JARID2: variants seen among roughly 807,000 people sequenced by gnomAD.
JARID2 encodes jumonji and AT-rich interaction domain containing 2, also known as protein Jumonji.
Under a neutral mutation model 125.6 loss-of-function variants are expected in JARID2, and 21 were observed. That is an observed-to-expected ratio of 0.17 (90% CI 0.12 to 0.24). The LOEUF (loss-of-function observed/expected upper bound fraction) is 0.24, where lower values mean the gene tolerates loss of function less well. Ranked by LOEUF, JARID2 falls within the 10% of genes least tolerant of loss-of-function variation. The probability of loss-of-function intolerance (pLI) is 1.00; values close to 1 mark genes in which losing one functional copy is unlikely to be tolerated. For synonymous variants in JARID2, 736 were observed against 661.6 expected, an observed-to-expected ratio of 1.11 and a Z score of -1.73; for missense variants, 1,303 against 1,639.6, an observed-to-expected ratio of 0.79 and a Z score of 3.55.
intron 1 of JARID2, among the ~76,000 whole-genome samples, chr6:15,341,750 T>C (rs147652639): frequency 1.3e-5 from 2 of 152,314 alleles, no homozygotes; most frequent in East Asian, 3.9e-4. Context: ...TAGTGCCCGC[T>C]TAAGGGCAAG....
intron 1 of JARID2, among the ~76,000 whole-genome samples, chr6:15,260,356 C>T (rs1384172066): frequency 1.3e-5 from 2 of 152,144 alleles, no homozygotes; most frequent in Admixed American, 1.3e-4. Context: ...TTGTAATCCT[C>T]AAAACTACTG....
chr6:15,465,806 G>A (rs1316080033), intron 4 of JARID2, among the ~76,000 whole-genome samples: 1 of 149,380 alleles, frequency 6.7e-6, no homozygotes, highest in South Asian at 2.1e-4. Flanking sequence ...TTGTTTGTTT[G>A]TTTGTTTGTT....
At chr6:15,307,151 A>C (rs1400203348) in intron 1 of JARID2, among the ~76,000 whole-genome samples, 1 of 151,786 alleles carries the variant, frequency 6.6e-6, no homozygotes, top group African/African-American at 2.4e-5. Context: ...CTGAGGCGGG[A>C]GAATCGCCTG....
At chr6:15,470,900 G>C (rs528860642) in intron 5 of JARID2, among the ~76,000 whole-genome samples, 4 of 152,240 alleles carry the variant, frequency 2.6e-5, no homozygotes, top group African/African-American at 9.7e-5. Flanking sequence ...GACCTGGAAA[G>C]ACCTGGGCAC....
intron 4 of JARID2, among the ~76,000 whole-genome samples, chr6:15,452,980 A>C (rs914714302): frequency 2.0e-5 from 3 of 152,244 alleles, no homozygotes; most frequent in African/African-American, 7.2e-5. Flanking sequence ...CTTGAGGTTC[A>C]TAGTCACTTT....
chr6:15,413,649 C>T (rs1766001563), intron 3 of JARID2, among the ~76,000 whole-genome samples: 1 of 152,096 alleles, frequency 6.6e-6, no homozygotes, highest in African/African-American at 2.4e-5. Context: ...CTTTGTTACC[C>T]AGGCTGGAAT....
chr6:15,458,118 AGT>A (rs577342386), intron 4 of JARID2, among the ~76,000 whole-genome samples: 3 of 152,206 alleles, frequency 2.0e-5, no homozygotes, highest in Non-Finnish European at 4.4e-5. Context: ...TGCTGCATGC[AGT>A]GATTCGTACC....
In JARID2 at chr6:15,518,333, A is replaced by T. The variant is rs1771665193; in HGVS notation, c.3558+1065A>T. 1.3e-5 allele frequency among the ~76,000 whole-genome samples: 2 copies of T among 152,214 alleles called. 1 individual carries two copies. The highest frequency in any genetic ancestry group is 2.9e-5 in the Non-Finnish European group (2 of 68,038). ...CTGTAGTCGGATGTGTGACGTGACC[A>T]GATCCTGGGAAAAGAATGGCATTCA... On this transcript the variant is annotated intron_variant, in intron 17 of 17. Coordinates refer to ENST00000341776, the MANE Select transcript of JARID2 (RefSeq NM_004973.4).
At chr6:15,412,549 C>T (rs2237147) in intron 3 of JARID2, among the ~76,000 whole-genome samples, 86,330 of 151,962 alleles carry the variant, frequency 0.57, 24,751 homozygotes, top group South Asian at 0.63. Context: ...CCTCAAGTGA[C>T]CCACCCACCT....
intron 15 of JARID2, 29 bp downstream of exon 15, chr6:15,513,074 G>A: frequency 6.2e-7 from 1 of 1,613,448 alleles, no homozygotes; most frequent in Non-Finnish European, 8.5e-7. Flanking sequence ...CCACGCCAGA[G>A]AGCTGGACCC....
intron 1 of JARID2, among the ~76,000 whole-genome samples, chr6:15,350,449 A>C (rs948716279): frequency 6.6e-6 from 1 of 152,180 alleles, no homozygotes; most frequent in Non-Finnish European, 1.5e-5. Flanking sequence ...TTCATTAGTA[A>C]CACGGAGACT....
intron 2 of JARID2, among the ~76,000 whole-genome samples, chr6:15,375,505 G>GTTT (rs1764319194): frequency 6.6e-6 from 1 of 152,202 alleles, no homozygotes; most frequent in African/African-American, 2.4e-5. Context: ...AAAATAAGTT[G>GTTT]TGGAATCTAT....
intron 1 of JARID2, among the ~76,000 whole-genome samples, chr6:15,287,515 A>G (rs1761049345): frequency 6.6e-6 from 1 of 152,236 alleles, no homozygotes; most frequent in South Asian, 2.1e-4. Flanking sequence ...GTTGATACCA[A>G]ACTCACACAG....
At chr6:15,451,268 T>C (rs1427058009) in intron 3 of JARID2, among the ~76,000 whole-genome samples, 2 of 152,160 alleles carry the variant, frequency 1.3e-5, no homozygotes, top group Non-Finnish European at 2.9e-5. Flanking sequence ...AGTTAACAAA[T>C]GGTAAGTTAG....
chr6:15,518,562 A>G (rs1344065723), intron 17 of JARID2, among the ~76,000 whole-genome samples: 1 of 152,044 alleles, frequency 6.6e-6, no homozygotes, highest in Non-Finnish European at 1.5e-5. Context: ...GCCCACTGCA[A>G]GCTCCGCCTC....
At chr6:15,370,245 A>G (rs1353359852) in intron 1 of JARID2, among the ~76,000 whole-genome samples, 1 of 151,368 alleles carries the variant, frequency 6.6e-6, no homozygotes, top group Admixed American at 6.6e-5. Flanking sequence ...TAAGACAGCT[A>G]TTGAGAAAAT....
chr6:15,379,286 C>T (rs554694783), intron 2 of JARID2, among the ~76,000 whole-genome samples: 21 of 151,956 alleles, frequency 1.4e-4, no homozygotes, highest in African/African-American at 3.1e-4. Context: ...TGGGCTTAAG[C>T]GTGAAGTGGT....
chr6:15,258,550 A>G (rs1759752837), intron 1 of JARID2, among the ~76,000 whole-genome samples: 1 of 152,176 alleles, frequency 6.6e-6, no homozygotes, highest in South Asian at 2.1e-4. Flanking sequence ...TTGGGAGGCC[A>G]AGGCGGGCGG....
chr6:15,425,615 C>CT (rs1310314648), intron 3 of JARID2, among the ~76,000 whole-genome samples: 4 of 152,186 alleles, frequency 2.6e-5, no homozygotes, highest in African/African-American at 9.7e-5. Context: ...CCTTTTGTCT[C>CT]TCTTGCCATA....
Sources: allele counts gnomAD v4.1 joint callset (sites outside exome capture counted in the v4.1 genomes callset), GRCh38; gene constraint gnomAD v4.1.1; transcripts MANE v1.5; gene names NCBI Gene and HGNC (gene_info 2026-07-23, HGNC 2026-07-21).